Variants in PAPPA observed in about 807,000 individuals in gnomAD.
PAPPA encodes pappalysin 1.
Under a neutral mutation model 164.0 loss-of-function variants are expected in PAPPA, and 60 were observed. The ratio of observed to expected loss-of-function variants is 0.37; its 90% CI spans 0.30 to 0.45. The LOEUF (loss-of-function observed/expected upper bound fraction) is 0.45. Ranked by LOEUF, PAPPA falls within the 20% of genes least tolerant of loss-of-function variation. The probability of loss-of-function intolerance (pLI) is 1.00; values close to 1 mark genes in which losing one functional copy is unlikely to be tolerated. For synonymous variants in PAPPA, 875 were observed against 814.1 expected, an observed-to-expected ratio of 1.07 and a Z score of -1.27; for missense variants, 1,782 against 2,087.3, an observed-to-expected ratio of 0.85 and a Z score of 2.85.
At chr9:116,163,371 C>A (rs1843689678) in intron 1 of PAPPA, among the ~76,000 whole-genome samples, 2 of 152,042 alleles carry the variant, frequency 1.3e-5, no homozygotes, top group African/African-American at 2.4e-5. Context: ...GAAGAAGAGA[C>A]CTATGAGCAG....
At chr9:116,360,222 A>G (rs528733604) in intron 17 of PAPPA, among the ~76,000 whole-genome samples, 1 of 152,314 alleles carries the variant, frequency 6.6e-6, no homozygotes, top group South Asian at 2.1e-4. Flanking sequence ...TACTCCCCAG[A>G]GGGCCCAGGA....
chr9:116,326,190 G>A (rs562714083), intron 10 of PAPPA, among the ~76,000 whole-genome samples: 1 of 152,238 alleles, frequency 6.6e-6, no homozygotes, highest in Admixed American at 6.5e-5. Flanking sequence ...ACCTAAGTGA[G>A]GGTGCTTGTC....
Position 116,289,219 on chromosome 9 carries a change from AGCATATATAT to A in PAPPA, c.2954-13537_2954-13528del, listed in dbSNP as rs1845393165. Among the ~76,000 whole-genome samples the A allele has an allele frequency of 1.2e-3, 4 of 3,270 alleles. 1 individual carries two copies. Among genetic ancestry groups the A allele is most frequent in the Non-Finnish European group, 3.9e-3 (4 of 1,026 alleles). The allele number at this position is 3,270 out of a possible 152,430, so 2.1% of individuals were successfully genotyped here. A position where few individuals can be genotyped will look rare whatever the true frequency, so the allele number is the denominator to read the frequency against. Reference sequence around the variant, plus strand: ...TAGCATATATATATAGCATATATGTAGCATATATATATAGCATATATATATAGCATATATG... The same window carrying A: ...TAGCATATATATATAGCATATATGTAATAGCATATATATATAGCATATATG... On this transcript the variant is annotated intron_variant, in intron 9 of 21. Transcript: ENST00000328252.
rs114788314 is a variant in PAPPA at position 116,189,400 on chromosome 9, A to G, written c.1478+1184A>G. Among the ~76,000 whole-genome samples the G allele has an allele frequency of 2.9e-3, 440 of 152,360 alleles. 1 individual carries two copies. The highest frequency in any genetic ancestry group is 0.01 in the African/African-American group (419 of 41,582). On this transcript the variant is annotated intron_variant, in intron 2 of 21. Coordinates refer to ENST00000328252, the MANE Select transcript of PAPPA (RefSeq NM_002581.5). ...CATCATGTCTACCTTAAATATACAC[A>G]ATAAAATTTACCTGAAAAAAGAATA...
chr9:116,273,539 C>T (rs1295048777), intron 9 of PAPPA, among the ~76,000 whole-genome samples: 1 of 152,172 alleles, frequency 6.6e-6, no homozygotes, highest in East Asian at 1.9e-4. Context: ...TGCTTGTTTA[C>T]TGGAGCCAGG....
Position 116,187,935 on chromosome 9 carries a change from G to A in PAPPA, c.1197G>A (p.Glu399=), listed in dbSNP as rs763595769. ...TCTCCTGGGAGCTGGACGTGCTGGAGGTGAGCAACTCCTCCCTTCGCCGCC... is the reference window on the plus strand; with the variant it reads ...TCTCCTGGGAGCTGGACGTGCTGGAAGTGAGCAACTCCTCCCTTCGCCGCC... ...YNISWELDVL[E]VSNSSLRRRL... is the part of the protein sequence containing the mutation. The change falls in exon 2 of 22, where the codon GAG becomes GAA. Residue 399 remains glutamate (E), a synonymous_variant. Transcript: ENST00000328252. The surrounding 1 kb of genome is among the most constrained non-coding windows in gnomAD (Gnocchi z 4.2). The A allele has an allele frequency of 6.2e-7, 1 of 1,614,184 alleles. No individual in the cohort carries two copies. The highest frequency in any genetic ancestry group is 1.1e-5 in the South Asian group (1 of 91,082).
At chr9:116,369,941 A>G (rs1232611281) in intron 19 of PAPPA, among the ~76,000 whole-genome samples, 2 of 152,136 alleles carry the variant, frequency 1.3e-5, no homozygotes, top group Non-Finnish European at 2.9e-5. Context: ...CGAAGGGCAG[A>G]GATTGATGAT....
chr9:116,373,410 A>G (rs1470950144), intron 19 of PAPPA: 1 of 152,156 alleles, frequency 6.6e-6, no homozygotes, highest in Non-Finnish European at 1.5e-5. Flanking sequence ...GCTGATAACA[A>G]AAAGCAAATA....
Position 116,353,885 on chromosome 9 carries a change from C to A in PAPPA, c.4347+92C>A, listed in dbSNP as rs1381899838. On this transcript the variant is annotated intron_variant, in intron 17 of 21. Transcript: ENST00000328252. ...TGTACTTCAGGAACCACTTTCTGCA[C>A]TTTTGTAATCTCTGATCCTCATTTT... 7.0e-6 allele frequency: 6 copies of A among 851,882 alleles called. No individual in the cohort carries two copies. In the African/African-American group the frequency reaches 1.0e-4, roughly 15 times the overall value. 52.8% of individuals were successfully genotyped at this position (851,882 alleles called of 1,614,324 possible). A position where few individuals can be genotyped will look rare whatever the true frequency, so the allele number is the denominator to read the frequency against.
At chr9:116,346,872 T>C (rs1336256218) in intron 14 of PAPPA, among the ~76,000 whole-genome samples, 154 bp from the exon 15 acceptor site, 3 of 152,208 alleles carry the variant, frequency 2.0e-5, no homozygotes, top group Non-Finnish European at 4.4e-5. Context: ...CATGGAGTTA[T>C]TGGGATCATT....
chr9:116,235,463 T>C lies in PAPPA; in HGVS notation c.2558T>C (p.Ile853Thr). The change falls in exon 7 of 22, where the codon ATC (isoleucine) becomes ACC (threonine). Residue 853 changes from isoleucine to threonine, a missense_variant. Physicochemically the swap from Ile to Thr is moderately conservative, Grantham distance 89. Around this residue, in one of 2 missense-constraint regions of PAPPA, gnomAD observed 1,324 missense variants for 1,656.9 expected, o/e 0.80. Coordinates refer to ENST00000328252, the MANE Select transcript of PAPPA (RefSeq NM_002581.5). ...GACGTGGGCGAGGAGGTGTATGGCA[T>C]CCAAATCTACACGCTGGATGAGCAC... ...LWDVGEEVYG[I>T]QIYTLDEHLE... The C allele has an allele frequency of 6.2e-7, 1 of 1,612,296 alleles. No homozygotes were observed. The highest frequency in any genetic ancestry group is 8.5e-7 in the Non-Finnish European group (1 of 1,179,308).
intron 20 of PAPPA, among the ~76,000 whole-genome samples, chr9:116,378,836 C>T (rs571998662): frequency 2.9e-4 from 44 of 152,254 alleles, no homozygotes; most frequent in Non-Finnish European, 5.6e-4. Flanking sequence ...ATGATCCATT[C>T]CCTGATCTGT....
intron 19 of PAPPA, among the ~76,000 whole-genome samples, chr9:116,375,218 A>G (rs971304476): frequency 2.0e-5 from 3 of 152,264 alleles, no homozygotes; most frequent in South Asian, 2.1e-4. Flanking sequence ...CCCATATCAT[A>G]TCCCATGACT....
chr9:116,213,485 G>C (rs955994710), intron 4 of PAPPA, among the ~76,000 whole-genome samples: 5 of 152,126 alleles, frequency 3.3e-5, no homozygotes, highest in Non-Finnish European at 7.4e-5. Context: ...TCCCAGCCAA[G>C]CTGACATCCC....
rs892768254 is a variant in PAPPA at position 116,260,965 on chromosome 9, T to A, written c.2733-4892T>A. On this transcript the variant is annotated intron_variant, in intron 7 of 21. Coordinates refer to ENST00000328252, the MANE Select transcript of PAPPA (RefSeq NM_002581.5). Reference sequence around the variant, plus strand: ...CTATTCTGCTGTACTTTGAGAAAGCTTGGGGCTTCTGTCTTTGGAAAGCAC... The same window carrying A: ...CTATTCTGCTGTACTTTGAGAAAGCATGGGGCTTCTGTCTTTGGAAAGCAC... 9.2e-5 allele frequency among the ~76,000 whole-genome samples: 14 copies of A among 152,214 alleles called. 1 individual carries two copies. Among genetic ancestry groups the A allele is most frequent in the African/African-American group, 2.7e-4 (11 of 41,448 alleles).
intron 9 of PAPPA, among the ~76,000 whole-genome samples, chr9:116,282,003 A>G (rs904069702): frequency 1.3e-4 from 20 of 152,196 alleles, no homozygotes; most frequent in Non-Finnish European, 2.9e-4. Context: ...GATCTGCCCA[A>G]CTTCAAAACT....
At position 116,399,362 on chromosome 9, in the gene PAPPA, A is replaced by G. The variant is rs929118472; in HGVS notation, c.*2746A>G. On this transcript the variant is annotated 3_prime_UTR_variant, in exon 22 of 22. Transcript: ENST00000328252. ...CCAACCTCGTGCCCACATGGAAGGT[A>G]TCTTTAATAGGGTCTTTTCAAACCT... 1.5e-4 allele frequency: 23 copies of G among 152,766 alleles called. No homozygotes were observed. The highest frequency in any genetic ancestry group is 5.1e-4 in the African/African-American group (21 of 41,572). The allele number at this position is 152,766 out of a possible 1,614,324, so 9.5% of individuals were successfully genotyped here. A position where few individuals can be genotyped will look rare whatever the true frequency, so the allele number is the denominator to read the frequency against.
chr9:116,161,954 C>T (rs968969694), intron 1 of PAPPA, among the ~76,000 whole-genome samples: 3 of 152,224 alleles, frequency 2.0e-5, no homozygotes, highest in South Asian at 2.1e-4. Flanking sequence ...ATACGGAGAC[C>T]ACCGTTTAGA....
At chr9:116,281,379 C>G (rs567067125) in intron 9 of PAPPA, among the ~76,000 whole-genome samples, 1 of 152,270 alleles carries the variant, frequency 6.6e-6, no homozygotes, top group South Asian at 2.1e-4. Context: ...TATAATTTCA[C>G]TGACTCCTCA....
Sources: allele counts gnomAD v4.1 joint callset (sites outside exome capture counted in the v4.1 genomes callset), GRCh38; gene constraint gnomAD v4.1.1; regional missense constraint gnomAD v4.1.1; non-coding constraint Gnocchi (gnomAD v3.1); transcripts MANE v1.5; gene names NCBI Gene and HGNC (gene_info 2026-07-23, HGNC 2026-07-21).